TUBB4A: variants seen among roughly 807,000 people sequenced by gnomAD.
TUBB4A encodes tubulin beta 4A class IVa.
A neutral mutation model predicts 35.1 loss-of-function variants in TUBB4A; 13 were observed. The ratio of observed to expected loss-of-function variants is 0.37; its 90% CI spans 0.24 to 0.59. The LOEUF (loss-of-function observed/expected upper bound fraction) is 0.59, where lower values mean the gene tolerates loss of function less well. Among genes scored for constraint, TUBB4A ranks in the 20% least tolerant of loss-of-function variants. TUBB4A has a pLI of 0.71. For synonymous variants in TUBB4A, 279 were observed against 272.4 expected (o/e 1.02, Z -0.24); for missense variants, 299 against 647.2 (o/e 0.46, Z 5.84).
chr19:6,496,657 A>AATAAAT (rs1195450127), intron 3 of TUBB4A, among the ~76,000 whole-genome samples: 1 of 141,880 alleles, frequency 7.0e-6, no homozygotes, highest in South Asian at 2.3e-4. Context: ...TAATAATAAT[A>AATAAAT]AATAATAACA....
intron 3 of TUBB4A, among the ~76,000 whole-genome samples, chr19:6,499,781 T>C (rs541478638): frequency 6.6e-6 from 1 of 152,088 alleles, no homozygotes; most frequent in South Asian, 2.1e-4. Context: ...CACATATTCA[T>C]GACTTTAAGC....
At position 6,501,741 on chromosome 19, in the gene TUBB4A, G is replaced by A. The variant is rs542850523; in HGVS notation, c.58-118C>T. On this transcript the variant is annotated intron_variant, in intron 1 of 3. Coordinates refer to ENST00000264071, the MANE Select transcript of TUBB4A (RefSeq NM_006087.4). This position sits in a 1 kb window ranked among gnomAD's most constrained non-coding sequence, Gnocchi z 4.2. ...CACCTCTCCCCCAGCAAGGTGAACG[G>A]GGGACCTAGAGGCATGGTGTCGGGG... 8 of 808,292 alleles carry A rather than the reference G, an allele frequency of 9.9e-6. No homozygotes were observed. The highest frequency in any genetic ancestry group is 1.4e-5 in the Non-Finnish European group (7 of 496,462). 50.1% of individuals were successfully genotyped at this position (808,292 alleles called of 1,614,324 possible).
chr19:6,501,029 G>A lies in TUBB4A; in HGVS notation c.277+258C>T. 2.1e-6 allele frequency: 1 copy of A among 472,876 alleles called. No homozygotes were observed. The highest frequency in any genetic ancestry group is 3.4e-5 in the East Asian group (1 of 29,270). 29.3% of individuals were successfully genotyped at this position (472,876 alleles called of 1,614,324 possible). On this transcript the variant is annotated intron_variant, in intron 3 of 3. Coordinates refer to ENST00000264071, the MANE Select transcript of TUBB4A (RefSeq NM_006087.4). This position sits in a 1 kb window ranked among gnomAD's most constrained non-coding sequence, Gnocchi z 4.2. ...ATTGGGATGTGCACCCAGGCAGTCT[G>A]GTTCCGGTTCAGACCGTTGAATTAA... is the stretch of plus-strand genomic sequence containing the variant.
chr19:6,501,709 T>C lies in TUBB4A; in HGVS notation c.58-86A>G. The C allele has an allele frequency of 1.8e-6, 2 of 1,086,906 alleles. No individual in the cohort carries two copies. The highest frequency in any genetic ancestry group is 1.4e-5 in the South Asian group (1 of 71,100). The allele number at this position is 1,086,906 out of a possible 1,614,324, so 67.3% of individuals were successfully genotyped here. A position where few individuals can be genotyped will look rare whatever the true frequency, so the allele number is the denominator to read the frequency against. On this transcript the variant is annotated intron_variant, in intron 1 of 3. Coordinates refer to ENST00000264071, the MANE Select transcript of TUBB4A (RefSeq NM_006087.4). This position sits in a 1 kb window ranked among gnomAD's most constrained non-coding sequence, Gnocchi z 4.2. ...TGCCCCCAGCCCCCAACTAGCTCCC[T>C]AGCTGCCACCTCTCCCCCAGCAAGG...
chr19:6,499,869 C>A lies in TUBB4A; in HGVS notation c.277+1418G>T, dbSNP rs1043696706. On this transcript the variant is annotated intron_variant, in intron 3 of 3. Transcript: ENST00000264071. ...CTGGGGTGCAGTGTCATGATCTTGG[C>A]TCACCACAACCTCTGCCGTTCAAGC... is the stretch of plus-strand genomic sequence containing the variant. 1.1e-4 allele frequency among the ~76,000 whole-genome samples: 17 copies of A among 151,044 alleles called. 1 individual carries two copies. Among genetic ancestry groups the A allele is most frequent in the African/African-American group, 3.9e-4 (16 of 40,854 alleles).
chr19:6,501,480 C>G lies in TUBB4A; in HGVS notation c.166+35G>C. On this transcript the variant is annotated intron_variant, in intron 2 of 3. Transcript: ENST00000264071. The surrounding 1 kb of genome is among the most constrained non-coding windows in gnomAD (Gnocchi z 4.2). ...TAGCATCCTGTTCCCTCCCAGCTGC[C>G]CCTTCCCACCTGGAAGGTGCCTCCT... The G allele has an allele frequency of 6.2e-7, 1 of 1,604,654 alleles. No homozygotes were observed. The highest frequency in any genetic ancestry group is 8.5e-7 in the Non-Finnish European group (1 of 1,172,516).
chr19:6,502,599 G>C (rs1236952277), upstream of TUBB4A: 1 of 212,274 alleles, frequency 4.7e-6, no homozygotes, highest in Non-Finnish European at 9.3e-6. Flanking sequence ...CGGAGGAAGG[G>C]AGGGGAGCGC....
chr19:6,497,059 ATATAT>A (rs1568410600), intron 3 of TUBB4A, among the ~76,000 whole-genome samples: 3 of 97,734 alleles, frequency 3.1e-5, no homozygotes, highest in African/African-American at 1.2e-4. Context: ...ATATATATAT[ATATAT>A]AAATTAGCCA....
chr19:6,497,060 T>TATAA (rs1914277964), intron 3 of TUBB4A, among the ~76,000 whole-genome samples: 1 of 75,128 alleles, frequency 1.3e-5, no homozygotes, highest in Non-Finnish European at 2.4e-5. Flanking sequence ...TATATATATA[T>TATAA]ATATAAATTA....
rs61731566 is a variant in TUBB4A, at chr19:6,495,212, C to G, written c.1287G>C (p.Thr429=). ...CCTCCTCGAACTCGCCCTCCTCGGC[C>G]GTGGCGTCCTGGTACTGCTGGTACT... ...VSEYQQYQDA[T]AEEGEFEEEA... The change falls in exon 4 of 4, where the codon ACG becomes ACC. Residue 429 remains threonine (T), a synonymous_variant. Transcript: ENST00000264071. This position sits in a 1 kb window ranked among gnomAD's most constrained non-coding sequence, Gnocchi z 8.7. The G allele has an allele frequency of 1.9e-6, 3 of 1,613,810 alleles. No individual in the cohort carries two copies. Among genetic ancestry groups the G allele is most frequent in the Non-Finnish European group, 2.5e-6 (3 of 1,179,868 alleles).
rs967629920 is a variant in TUBB4A at position 6,502,207 on chromosome 19, C to T, written c.6G>A (p.Arg2=). 4 of 1,563,976 alleles carry T rather than the reference C, an allele frequency of 2.6e-6. No individual in the cohort carries two copies. Among genetic ancestry groups the T allele is most frequent in the East Asian group, 4.9e-5 (2 of 40,958 alleles). The change falls in exon 1 of 4, where the codon CGG becomes CGA. Residue 2 remains arginine (R), a synonymous_variant. Transcript: ENST00000264071. M[R]EIVHLQAGQC... The stretch of plus-strand genomic sequence containing the variant: ...GGCCGGCCTGCAGGTGCACGATCTC[C>T]CGCATGGCGGTGGCGCTGAGGGTGG...
rs1268743523 is a variant in TUBB4A at position 6,495,869 on chromosome 19, G to T, written c.630C>A (p.Ile210=). 6.2e-7 allele frequency: 1 copy of T among 1,614,250 alleles called. No individual in the cohort carries two copies. Among genetic ancestry groups the T allele is most frequent in the Admixed American group, 1.7e-5 (1 of 60,020 alleles). Residue 210 remains isoleucine (I), a synonymous_variant, in exon 4 of 4, where the codon ATC becomes ATA. Coordinates refer to ENST00000264071, the MANE Select transcript of TUBB4A (RefSeq NM_006087.4). This position sits in a 1 kb window ranked among gnomAD's most constrained non-coding sequence, Gnocchi z 8.7. ...TGGTCAGCTTGAGGGTGCGGAAACA[G>T]ATGTCGTAGAGTGCCTCGTTGTCGA... ...YCIDNEALYD[I]CFRTLKLTTP... is the part of the protein sequence containing the mutation.
chr19:6,502,088 T>TA, intron 1 of TUBB4A, 68 bp downstream of exon 1: 1 of 1,481,820 alleles, frequency 6.7e-7, no homozygotes, highest in Non-Finnish European at 9.0e-7. Context: ...TGCGGGGTGC[T>TA]CCGGGGACCG....
rs752824202 is a variant in TUBB4A, at chr19:6,494,818, G to A, written c.*346C>T. On this transcript the variant is annotated 3_prime_UTR_variant, in exon 4 of 4. Coordinates refer to ENST00000264071, the MANE Select transcript of TUBB4A (RefSeq NM_006087.4). ...AACTTATAGGTCTAGAGGTAAAATG[G>A]GATTCATGGGGGGCAGAGGTCAAAG... 5.6e-5 allele frequency: 22 copies of A among 394,886 alleles called. No homozygotes were observed. The highest frequency in any genetic ancestry group is 1.0e-4 in the Non-Finnish European group (22 of 213,622). The allele number at this position is 394,886 out of a possible 1,614,324, so 24.5% of individuals were successfully genotyped here. A position where few individuals can be genotyped will look rare whatever the true frequency, so the allele number is the denominator to read the frequency against.
chr19:6,502,345 G>T, upstream of TUBB4A: 1 of 997,578 alleles, frequency 1.0e-6, no homozygotes, highest in Non-Finnish European at 1.4e-6. Flanking sequence ...ATATGAGCGG[G>T]CGGGGCACGC....
Position 6,501,426 on chromosome 19 carries a change from G to T in TUBB4A, c.167-29C>A, listed in dbSNP as rs376873869. 1 of 1,607,452 alleles carries T rather than the reference G, an allele frequency of 6.2e-7. No individual in the cohort carries two copies. Among genetic ancestry groups the T allele is most frequent in the African/African-American group, 1.3e-5 (1 of 74,916 alleles). On this transcript the variant is annotated intron_variant, in intron 2 of 3. Coordinates refer to ENST00000264071, the MANE Select transcript of TUBB4A (RefSeq NM_006087.4). This position sits in a 1 kb window ranked among gnomAD's most constrained non-coding sequence, Gnocchi z 4.2. ...CAGGGAAACAGATGGAGGGCAGTTCGATGCGTGCCAGGAACCACAGGCGCC... is the reference window on the plus strand; with the variant it reads ...CAGGGAAACAGATGGAGGGCAGTTCTATGCGTGCCAGGAACCACAGGCGCC...
rs1374971674 is a variant in TUBB4A at position 6,495,884 on chromosome 19, C to T, written c.615G>A (p.Glu205=). The T allele has an allele frequency of 3.1e-6, 5 of 1,614,204 alleles. No homozygotes were observed. The highest frequency in any genetic ancestry group is 2.5e-6 in the Non-Finnish European group (3 of 1,180,040). Residue 205 remains glutamate, a synonymous_variant, in exon 4 of 4, where the codon GAG becomes GAA. Coordinates refer to ENST00000264071, the MANE Select transcript of TUBB4A (RefSeq NM_006087.4). This position sits in a 1 kb window ranked among gnomAD's most constrained non-coding sequence, Gnocchi z 8.7. ...TGCGGAAACAGATGTCGTAGAGTGC[C>T]TCGTTGTCGATGCAGTAGGTCTCAT... ...NTDETYCIDN[E]ALYDICFRTL...
At chr19:6,502,548 T>G, upstream of TUBB4A, 1 of 270,802 alleles carries the variant, frequency 3.7e-6, no homozygotes. Flanking sequence ...GTCTCCCCCG[T>G]CCCAGCCCCC....
At chr19:6,497,790 G>C (rs1248363476) in intron 3 of TUBB4A, among the ~76,000 whole-genome samples, 1 of 150,280 alleles carries the variant, frequency 6.7e-6, no homozygotes, top group Non-Finnish European at 1.5e-5. Flanking sequence ...AAAATTAGCC[G>C]GGCGAGGTGG....
Sources: allele counts gnomAD v4.1 joint callset (sites outside exome capture counted in the v4.1 genomes callset), GRCh38; gene constraint gnomAD v4.1.1; non-coding constraint Gnocchi (gnomAD v3.1); transcripts MANE v1.5; gene names NCBI Gene and HGNC (gene_info 2026-07-23, HGNC 2026-07-21).